CCDC91: variants seen among roughly 807,000 people sequenced by gnomAD.
The protein encoded by CCDC91 is coiled-coil domain containing 91.
Under a neutral mutation model 63.2 loss-of-function variants are expected in CCDC91, and 48 were observed. The ratio of observed to expected loss-of-function variants is 0.76; its 90% confidence interval spans 0.60 to 0.97. The LOEUF (loss-of-function observed/expected upper bound fraction) is 0.97. CCDC91 is among the 50% of genes least tolerant of loss of function. CCDC91 has a pLI of 0.00. For synonymous variants in CCDC91, 167 were observed against 165.8 expected, an observed-to-expected ratio of 1.01 and a Z score of -0.06; for missense variants, 500 against 494.6, an observed-to-expected ratio of 1.01 and a Z score of -0.10.
intron 3 of CCDC91, among the ~76,000 whole-genome samples, chr12:28,263,817 T>C (rs538296963): frequency 7.9e-5 from 12 of 152,022 alleles, no homozygotes; most frequent in Non-Finnish European, 1.6e-4. Flanking sequence ...GTAGTAATTA[T>C]TTCTTGATGA....
intron 12 of CCDC91, among the ~76,000 whole-genome samples, chr12:28,491,861 TTGTGTG>T (rs35451448): frequency 0.23 from 33,461 of 145,032 alleles, 4,424 homozygotes; most frequent in Non-Finnish European, 0.32. Context: ...GTCAAAAATT[TTGTGTG>T]TGTGTGTGTG....
chr12:28,391,481 C>T, intron 8 of CCDC91, 70 bp downstream of exon 8: 1 of 917,082 alleles, frequency 1.1e-6, no homozygotes. Flanking sequence ...AGCTCTATAA[C>T]TGTTTATTCA....
chr12:28,268,001 T>C (rs1947466206), intron 3 of CCDC91, among the ~76,000 whole-genome samples: 1 of 123,988 alleles, frequency 8.1e-6, no homozygotes, highest in African/African-American at 3.1e-5. Context: ...TATATAATAC[T>C]TAATTATATG....
intron 8 of CCDC91, among the ~76,000 whole-genome samples, chr12:28,448,480 AG>A (rs1949644878): frequency 6.6e-6 from 1 of 152,200 alleles, no homozygotes; most frequent in Non-Finnish European, 1.5e-5. Flanking sequence ...CTTCTGTTGT[AG>A]GATACTGTCA....
At chr12:28,523,789 G>C (rs1309226052) in intron 12 of CCDC91, among the ~76,000 whole-genome samples, 2 of 152,108 alleles carry the variant, frequency 1.3e-5, no homozygotes, top group Non-Finnish European at 2.9e-5. Flanking sequence ...AAATCTCTCA[G>C]CATTTGCTTG....
chr12:28,480,864 C>G (rs970418161), intron 11 of CCDC91, among the ~76,000 whole-genome samples: 5 of 151,964 alleles, frequency 3.3e-5, no homozygotes, highest in Admixed American at 6.6e-5. Context: ...TGATAAAGGG[C>G]AGACAACCAC....
At chr12:28,324,600 C>G (rs373037039) in intron 6 of CCDC91, among the ~76,000 whole-genome samples, 1 of 151,868 alleles carries the variant, frequency 6.6e-6, no homozygotes, top group African/African-American at 2.4e-5. Flanking sequence ...TAAAACTCTT[C>G]AGTGGTTTTT....
intron 6 of CCDC91, among the ~76,000 whole-genome samples, chr12:28,346,211 T>C (rs1942800122): frequency 6.6e-6 from 1 of 152,214 alleles, no homozygotes; most frequent in Admixed American, 6.5e-5. Context: ...TGTAGTTGTC[T>C]ATAACTAGTT....
chr12:28,224,063 C>T (rs573975926), intron 1 of CCDC91, among the ~76,000 whole-genome samples: 1 of 152,118 alleles, frequency 6.6e-6, no homozygotes, highest in Non-Finnish European at 1.5e-5. Flanking sequence ...TCATTTTGTG[C>T]CCATGTGGTT....
chr12:28,257,204 G>A lies in CCDC91; in HGVS notation c.-12G>A, dbSNP rs747941577. The A allele has an allele frequency of 1.9e-6, 3 of 1,605,180 alleles. No homozygotes were observed. The South Asian group carries it at 3.3e-5, about 18-fold the overall frequency. The stretch of plus-strand genomic sequence containing the variant: ...TTTCAATATCTTATATTTTTCAGGT[G>A]CCACTTGAAGAATGGATGATGATGA... On this transcript the variant is annotated splice_region_variant and 5_prime_UTR_variant, in exon 2 of 13. Coordinates refer to ENST00000536442, the MANE Select transcript of CCDC91 (RefSeq NM_018318.5).
chr12:28,395,983 TGAGA>T (rs904496005), intron 8 of CCDC91, among the ~76,000 whole-genome samples: 9 of 152,238 alleles, frequency 5.9e-5, no homozygotes, highest in African/African-American at 2.2e-4. Context: ...AACGTAACAG[TGAGA>T]GAGGGAGTGA....
intron 11 of CCDC91, among the ~76,000 whole-genome samples, chr12:28,454,605 C>T (rs1394371683): frequency 1.3e-5 from 2 of 152,076 alleles, no homozygotes; most frequent in South Asian, 2.1e-4. Context: ...TAATTTAAGC[C>T]GCTATCTTTA....
intron 1 of CCDC91, among the ~76,000 whole-genome samples, chr12:28,229,066 GTGTATACATAC>G (rs1944437447): frequency 6.6e-6 from 1 of 152,032 alleles, no homozygotes; most frequent in African/African-American, 2.4e-5. Context: ...TCTCAGGGAG[GTGTATACATAC>G]CATTTTAAAG....
intron 3 of CCDC91, among the ~76,000 whole-genome samples, chr12:28,295,908 C>G (rs1949535762): frequency 6.6e-6 from 1 of 151,734 alleles, no homozygotes; most frequent in Admixed American, 6.6e-5. Context: ...TCAGTGTGAG[C>G]AAGAGTTAAA....
intron 1 of CCDC91, among the ~76,000 whole-genome samples, chr12:28,201,602 C>G (rs9675165): frequency 1.5e-5 from 2 of 132,496 alleles, no homozygotes; most frequent in South Asian, 4.7e-4. Flanking sequence ...CAGGCAGAGA[C>G]GCTCCTCACT....
rs531655822 is a variant in CCDC91, at chr12:28,294,234, C to CTT, written c.110-11410_110-11409dup. 1.6e-4 allele frequency among the ~76,000 whole-genome samples: 25 copies of CTT among 152,274 alleles called. No individual in the cohort carries two copies. The South Asian group carries it at 5.2e-3, about 32-fold the overall frequency. Reference sequence around the variant, plus strand: ...ACCAGGTCAATGACAGTTCTCTCCGCTTTTTTCATTTCACTTAACAGAAAT... The same window carrying CTT: ...ACCAGGTCAATGACAGTTCTCTCCGCTTTTTTTTCATTTCACTTAACAGAAAT... On this transcript the variant is annotated intron_variant, in intron 3 of 12. Coordinates refer to ENST00000536442, the MANE Select transcript of CCDC91 (RefSeq NM_018318.5).
At chr12:28,244,410 A>C (rs1945564151) in intron 1 of CCDC91, among the ~76,000 whole-genome samples, 1 of 151,908 alleles carries the variant, frequency 6.6e-6, no homozygotes, top group Non-Finnish European at 1.5e-5. Context: ...CTGTATAACA[A>C]ATCCAAATTT....
chr12:28,391,196 A>G lies in CCDC91; in HGVS notation c.655-108A>G, dbSNP rs1592526724. ...TTAACAAATACATATTTTGTAATTT[A>G]GGAGAATATCGTATTACAGTATGTA... On this transcript the variant is annotated intron_variant, in intron 7 of 12. Transcript: ENST00000536442. 16 of 560,354 alleles carry G rather than the reference A, an allele frequency of 2.9e-5. No individual in the cohort carries two copies. In the East Asian group the frequency reaches 4.8e-4, roughly 17 times the overall value. 34.7% of individuals were successfully genotyped at this position (560,354 alleles called of 1,614,324 possible).
chr12:28,239,904 G>C, intron 1 of CCDC91, among the ~76,000 whole-genome samples: 1 of 152,060 alleles, frequency 6.6e-6, no homozygotes, highest in East Asian at 1.9e-4. Flanking sequence ...ATCTTGTTTT[G>C]ACAAATCTGG....
Sources: allele counts gnomAD v4.1 joint callset (sites outside exome capture counted in the v4.1 genomes callset), GRCh38; gene constraint gnomAD v4.1.1; transcripts MANE v1.5; gene names NCBI Gene and HGNC (gene_info 2026-07-23, HGNC 2026-07-21).